Variants in ARID1B observed in about 807,000 individuals in gnomAD.
The protein encoded by ARID1B is AT-rich interactive domain-containing protein 1B.
In ARID1B, 30 loss-of-function variants were observed where a neutral mutation model predicts 212.3. The observed-to-expected ratio is 0.14, with a 90% CI of 0.11 to 0.19. ARID1B has a LOEUF of 0.19. Among genes scored for constraint, ARID1B ranks in the 10% least tolerant of loss-of-function variants. ARID1B has a pLI of 1.00. For synonymous variants in ARID1B, 1,402 were observed against 1,301.7 expected (o/e 1.08, Z -1.66); for missense variants, 2,891 against 3,204.0 (o/e 0.90, Z 2.36).
chr6:156,784,157 T>TG (rs1459081592), intron 1 of ARID1B, among the ~76,000 whole-genome samples: 1 of 152,054 alleles, frequency 6.6e-6, no homozygotes, highest in East Asian at 1.9e-4. Flanking sequence ...TGGTTTTGGT[T>TG]GCATGCCTTT....
At chr6:156,797,210 C>T (rs1780445380) in intron 1 of ARID1B, among the ~76,000 whole-genome samples, 1 of 152,236 alleles carries the variant, frequency 6.6e-6, no homozygotes, top group Non-Finnish European at 1.5e-5. Context: ...CTAGTCCCTA[C>T]TTTCATAAGG....
chr6:156,971,072 A>G (rs1424451041), intron 4 of ARID1B, among the ~76,000 whole-genome samples: 2 of 152,208 alleles, frequency 1.3e-5, no homozygotes, highest in Non-Finnish European at 2.9e-5. Context: ...CAGTTGATGA[A>G]ATTTTTGGAA....
At chr6:157,170,325 T>C (rs1791631928) in intron 9 of ARID1B, 1 of 152,176 alleles carries the variant, frequency 6.6e-6, no homozygotes, top group Non-Finnish European at 1.5e-5. Context: ...AGAATATCAA[T>C]CTTCCAGCTG....
intron 5 of ARID1B, among the ~76,000 whole-genome samples, chr6:157,102,488 A>G (rs1482970853): frequency 6.6e-6 from 1 of 150,672 alleles, no homozygotes; most frequent in Non-Finnish European, 1.5e-5. Context: ...ACTGACATTT[A>G]TTTATGAAGC....
chr6:157,015,259 A>C (rs1211346201), intron 4 of ARID1B, among the ~76,000 whole-genome samples: 4 of 152,350 alleles, frequency 2.6e-5, no homozygotes, highest in Middle Eastern at 3.4e-3. Flanking sequence ...CGGAGTTTTG[A>C]GCTTGGGCAG....
chr6:156,929,135 T>A (rs1791491075), intron 3 of ARID1B, among the ~76,000 whole-genome samples: 1 of 152,180 alleles, frequency 6.6e-6, no homozygotes, highest in African/African-American at 2.4e-5. Flanking sequence ...ATAGCAACTA[T>A]CTTGTGGTGG....
At chr6:157,013,749 A>G (rs1779747798) in intron 4 of ARID1B, among the ~76,000 whole-genome samples, 1 of 152,214 alleles carries the variant, frequency 6.6e-6, no homozygotes, top group Non-Finnish European at 1.5e-5. Flanking sequence ...AACTGATTGC[A>G]CTATAGCCAA....
At chr6:157,039,288 A>C (rs117563603) in intron 4 of ARID1B, among the ~76,000 whole-genome samples, 2,194 of 146,332 alleles carry the variant, frequency 0.015, 24 homozygotes, top group Non-Finnish European at 0.02. Flanking sequence ...TGAAGTGTTT[A>C]TACATATAAT....
chr6:156,918,673 A>T (rs763186405), intron 3 of ARID1B, among the ~76,000 whole-genome samples: 18 of 152,158 alleles, frequency 1.2e-4, no homozygotes, highest in Non-Finnish European at 2.2e-4. Flanking sequence ...CCGAGGAGAC[A>T]ACTTCTGGGT....
At position 156,778,450 on chromosome 6, in the gene ARID1B, C is replaced by A. The variant is rs1394730320; in HGVS notation, c.770C>A (p.Pro257Gln). Residue 257 changes from proline (P) to glutamine (Q), a missense_variant, in exon 1 of 20, where the codon CCG becomes CAG. Coordinates refer to ENST00000636930, the MANE Select transcript of ARID1B (RefSeq NM_001374828.1). The stretch of plus-strand genomic sequence containing the variant: ...GCTGCGGGCGGCCAGGCCGACCCCC[C>A]GGGCCCGCCGCTGCTGAGCAAGCCG... ...DSAAGGQADP[P>Q]GPPLLSKPGD... 1 of 1,406,236 alleles carries A rather than the reference C, an allele frequency of 7.1e-7. No individual in the cohort carries two copies. The highest frequency in any genetic ancestry group is 1.6e-5 in the South Asian group (1 of 63,806). The allele number at this position is 1,406,236 out of a possible 1,614,324, so 87.1% of individuals were successfully genotyped here. A position where few individuals can be genotyped will look rare whatever the true frequency, so the allele number is the denominator to read the frequency against.
chr6:156,825,479 AT>A lies in ARID1B; in HGVS notation c.1792-3744del, dbSNP rs143171446. On this transcript the variant is annotated intron_variant, in intron 1 of 19. Transcript: ENST00000636930. ...TTTTGACATGGTGCAAATTAACTGA[AT>A]TTTAAGTAGGACTGTGAGAGTTGAT... 2.7e-3 allele frequency among the ~76,000 whole-genome samples: 413 copies of A among 152,344 alleles called. 2 individuals carry two copies. The highest frequency in any genetic ancestry group is 9.0e-3 in the African/African-American group (375 of 41,584).
intron 1 of ARID1B, among the ~76,000 whole-genome samples, chr6:156,798,710 G>C (rs999047123): frequency 6.6e-6 from 1 of 152,264 alleles, no homozygotes; most frequent in Admixed American, 6.5e-5. Flanking sequence ...TAGTGAGTCA[G>C]CTGGCTTGGT....
intron 3 of ARID1B, among the ~76,000 whole-genome samples, chr6:156,935,197 A>G (rs564151842): frequency 3.3e-5 from 5 of 151,670 alleles, no homozygotes; most frequent in East Asian, 3.9e-4. Context: ...GGCTCAAGCT[A>G]TCCTCCCACC....
intron 4 of ARID1B, among the ~76,000 whole-genome samples, chr6:156,973,855 T>C (rs1050033881): frequency 6.6e-6 from 1 of 152,248 alleles, no homozygotes; most frequent in Non-Finnish European, 1.5e-5. Flanking sequence ...TCATTCTGAT[T>C]GTGGTTTTTC....
chr6:157,184,848 C>T (rs1367128226), intron 13 of ARID1B: 2 of 202,014 alleles, frequency 9.9e-6, no homozygotes, highest in African/African-American at 2.4e-5. Flanking sequence ...AGCTCGAGCT[C>T]CCCCGCCCTC....
chr6:157,127,208 C>A (rs1271523070), intron 6 of ARID1B, among the ~76,000 whole-genome samples: 1 of 152,066 alleles, frequency 6.6e-6, no homozygotes, highest in East Asian at 1.9e-4. Flanking sequence ...AGTGCCCCTA[C>A]AACTATTGAG....
intron 5 of ARID1B, among the ~76,000 whole-genome samples, chr6:157,093,558 G>A (rs1785420787): frequency 6.6e-6 from 1 of 152,180 alleles, no homozygotes; most frequent in Non-Finnish European, 1.5e-5. Flanking sequence ...ATCCTAAAAT[G>A]CATTAATCTT....
chr6:157,110,689 G>A (rs1018324160), intron 6 of ARID1B, 128 bp downstream of exon 6: 5 of 915,948 alleles, frequency 5.5e-6, no homozygotes, highest in East Asian at 2.6e-5. Context: ...CTTATCAGAC[G>A]GAAGAAATAA....
chr6:156,873,553 T>G (rs1786311372), intron 2 of ARID1B, among the ~76,000 whole-genome samples: 1 of 152,234 alleles, frequency 6.6e-6, no homozygotes, highest in South Asian at 2.1e-4. Context: ...TTACTGAAGA[T>G]CTGGAATCTA....
Sources: allele counts gnomAD v4.1 joint callset (sites outside exome capture counted in the v4.1 genomes callset), GRCh38; gene constraint gnomAD v4.1.1; transcripts MANE v1.5; gene names NCBI Gene and HGNC (gene_info 2026-07-23, HGNC 2026-07-21).